The following SMC4 variants were observed in gnomAD, a reference collection of about 807,000 sequenced individuals.
SMC4 encodes structural maintenance of chromosomes protein 4.
Under a neutral mutation model 145.6 loss-of-function variants are expected in SMC4, and 87 were observed. The ratio of observed to expected loss-of-function variants is 0.60; its 90% confidence interval spans 0.50 to 0.71. SMC4 has a LOEUF of 0.71. Among genes scored for constraint, SMC4 ranks in the 30% least tolerant of loss-of-function variants. The pLI is 0.00. For synonymous variants in SMC4, 558 were observed against 500.7 expected (o/e 1.11, Z -1.53); for missense variants, 1,447 against 1,537.1 (o/e 0.94, Z 0.98).
At position 160,404,408 on chromosome 3, in the gene SMC4, T is replaced by G. The variant is rs571097121; in HGVS notation, c.591T>G (p.Tyr197Ter). The change falls in exon 5 of 24, where the codon TAT becomes TAG. Residue 197 changes from tyrosine (Y) to a stop codon, truncating the protein, a stop_gained. Transcript: ENST00000357388. LOFTEE classifies it high-confidence loss of function. ...RTACRDNTSV[Y>*]HISGKKKTFK... ...CCTGCAGAGATAATACTTCTGTCTATCACATAAGTGGAAAGAAAAAGACAT... is the reference window on the plus strand; with the variant it reads ...CCTGCAGAGATAATACTTCTGTCTAGCACATAAGTGGAAAGAAAAAGACAT... 18 of 1,611,458 alleles carry G rather than the reference T, an allele frequency of 1.1e-5. No homozygotes were observed. Among genetic ancestry groups the G allele is most frequent in the Non-Finnish European group, 1.5e-5 (18 of 1,178,772 alleles).
rs1717088656 is a variant in SMC4, at chr3:160,420,829, T to C, written c.1947T>C (p.Asp649=). The change falls in exon 13 of 24, where the codon GAT becomes GAC. Residue 649 remains aspartate (D), a synonymous_variant. Transcript: ENST00000357388. Reference sequence around the variant, plus strand: ...ACTACATTGTTGTTGATTCTATTGATATAGCCCAAGAATGTGTAAACTTCC... The same window carrying C: ...ACTACATTGTTGTTGATTCTATTGACATAGCCCAAGAATGTGTAAACTTCC... ...ALDYIVVDSI[D]IAQECVNFLK... 1 of 1,613,992 alleles carries C rather than the reference T, an allele frequency of 6.2e-7. No individual in the cohort carries two copies. The highest frequency in any genetic ancestry group is 1.3e-5 in the African/African-American group (1 of 74,928).
chr3:160,405,404 G>C (rs564420488), intron 5 of SMC4, among the ~76,000 whole-genome samples: 4 of 151,748 alleles, frequency 2.6e-5, no homozygotes, highest in Admixed American at 6.6e-5. Flanking sequence ...GTTCTATCCA[G>C]AATCACCGAA....
In SMC4 at chr3:160,420,785, T is replaced by C; in HGVS notation, c.1903T>C (p.Ser635Pro). Reference protein sequence around the residue: ...IDEKYDVAISSCCHALDYIVV... With the variant: ...IDEKYDVAISPCCHALDYIVV... ...TGAAAAATACGACGTGGCTATATCA[T>C]CCTGTTGTCATGCACTGGACTACAT... The change falls in exon 13 of 24, where the codon TCC becomes CCC. Residue 635 changes from serine to proline, a missense_variant. Ser to Pro is a moderately conservative substitution (Grantham distance 74). Coordinates refer to ENST00000357388, the MANE Select transcript of SMC4 (RefSeq NM_001002800.3). The C allele has an allele frequency of 6.2e-7, 1 of 1,614,064 alleles. No homozygotes were observed. The highest frequency in any genetic ancestry group is 8.5e-7 in the Non-Finnish European group (1 of 1,179,986).
intron 20 of SMC4, among the ~76,000 whole-genome samples, chr3:160,431,423 C>T (rs550856564): frequency 6.6e-6 from 1 of 152,214 alleles, no homozygotes; most frequent in African/African-American, 2.4e-5. Flanking sequence ...TAGACAACTA[C>T]CCTTTCACCC....
intron 9 of SMC4, 30 bp from the exon 10 acceptor site, chr3:160,416,221 A>G (rs754074895): frequency 2.7e-6 from 4 of 1,495,216 alleles, no homozygotes; most frequent in African/African-American, 2.8e-5. Context: ...ATAAAGATGT[A>G]TGCTCCTATA....
At chr3:160,429,776 G>C (rs905797387) in intron 18 of SMC4, among the ~76,000 whole-genome samples, 2 of 150,680 alleles carry the variant, frequency 1.3e-5, no homozygotes, top group African/African-American at 4.9e-5. Context: ...GAGTACAGTG[G>C]CGCGATCTCG....
intron 7 of SMC4, among the ~76,000 whole-genome samples, chr3:160,413,139 T>G (rs547207098): frequency 1.3e-5 from 2 of 152,138 alleles, no homozygotes; most frequent in East Asian, 3.9e-4. Context: ...TTTTTTTGTT[T>G]TTATTTTTTC....
At chr3:160,425,109 A>C in intron 16 of SMC4, 90 bp downstream of exon 16, 1 of 1,445,538 alleles carries the variant, frequency 6.9e-7, no homozygotes, top group Non-Finnish European at 9.1e-7. Context: ...CTATTTGCTT[A>C]CAATTTATTA....
rs1718820610 is a variant in SMC4, at chr3:160,434,869, T to A, written c.*1060T>A. On this transcript the variant is annotated 3_prime_UTR_variant, in exon 24 of 24. Coordinates refer to ENST00000357388, the MANE Select transcript of SMC4 (RefSeq NM_001002800.3). ...GCCATTGTTTTAGATATTTAAAAAA[T>A]CCAACAGTTTCTATCATAATGTAAC... The A allele has an allele frequency of 6.6e-6, 1 of 152,178 alleles. No homozygotes were observed. Among genetic ancestry groups the A allele is most frequent in the Non-Finnish European group, 1.5e-5 (1 of 68,024 alleles). 9.4% of individuals were successfully genotyped at this position (152,178 alleles called of 1,614,324 possible). A position where few individuals can be genotyped will look rare whatever the true frequency, so the allele number is the denominator to read the frequency against.
At position 160,404,482 on chromosome 3, in the gene SMC4, A is replaced by G. The variant is rs199673844; in HGVS notation, c.665A>G (p.His222Arg). 298 of 1,603,630 alleles carry G rather than the reference A, an allele frequency of 1.9e-4. No individual in the cohort carries two copies. The highest frequency in any genetic ancestry group is 1.0e-3 in the Middle Eastern group (6 of 6,026). The change falls in exon 5 of 24, where the codon CAT becomes CGT. Residue 222 changes from histidine (H) to arginine (R), a missense_variant. Coordinates refer to ENST00000357388, the MANE Select transcript of SMC4 (RefSeq NM_001002800.3). ...LLRSHGIDLDHNRFLILQGEV... is the reference protein window; with the variant it reads ...LLRSHGIDLDRNRFLILQGEV... ...CGAAGCCATGGAATTGACTTGGACC[A>G]TAATAGATTTTTAATTTTACAGGTA... is the stretch of plus-strand genomic sequence containing the variant.
intron 22 of SMC4, 48 bp from the exon 23 acceptor site, chr3:160,432,978 A>T: frequency 7.4e-7 from 1 of 1,350,318 alleles, no homozygotes; most frequent in South Asian, 1.2e-5. Context: ...CAAAGTCTTA[A>T]CTTTAGCTTT....
chr3:160,427,483 A>G (rs1717914081), intron 17 of SMC4, among the ~76,000 whole-genome samples: 2 of 152,190 alleles, frequency 1.3e-5, no homozygotes, highest in Non-Finnish European at 2.9e-5. Context: ...ATGGTACCTG[A>G]TGGTCAATTG....
chr3:160,409,674 A>G (rs1314018892), intron 5 of SMC4, among the ~76,000 whole-genome samples: 1 of 152,166 alleles, frequency 6.6e-6, no homozygotes, highest in Admixed American at 6.5e-5. Context: ...TCATTTTCTT[A>G]AAATAAGTGT....
Position 160,419,372 on chromosome 3 carries a change from T to G in SMC4, c.1686T>G (p.Leu562=). The G allele has an allele frequency of 6.3e-7, 1 of 1,587,860 alleles. No individual in the cohort carries two copies. The highest frequency in any genetic ancestry group is 8.5e-7 in the Non-Finnish European group (1 of 1,172,836). Residue 562 remains leucine (L), a synonymous_variant, in exon 12 of 24, where the codon CTT becomes CTG. Transcript: ENST00000357388. ...EQELKEKEKE[L]QKLTQEETNF... is the part of the protein sequence containing the mutation. ...TTCACTTTTAGAAAGAAAAAGAACTTCAAAAACTTACACAAGAAGAAACAA... is the reference window on the plus strand; with the variant it reads ...TTCACTTTTAGAAAGAAAAAGAACTGCAAAAACTTACACAAGAAGAAACAA...
chr3:160,401,424 C>T (rs78846197), intron 2 of SMC4, among the ~76,000 whole-genome samples: 7 of 152,218 alleles, frequency 4.6e-5, no homozygotes, highest in Middle Eastern at 3.4e-3. Context: ...TTTGAAGCCA[C>T]TGTAGCTTTT....
At chr3:160,401,404 C>T (rs71312299) in intron 2 of SMC4, among the ~76,000 whole-genome samples, 1,670 of 152,088 alleles carry the variant, frequency 0.011, 12 homozygotes, top group Non-Finnish European at 0.018. Context: ...AAAGAGAAGA[C>T]GATAATTTAT....
At chr3:160,413,847 C>T (rs1227833481) in intron 8 of SMC4, 6 of 339,654 alleles carry the variant, frequency 1.8e-5, no homozygotes, top group Admixed American at 4.8e-5. Flanking sequence ...TGGCGTAGCA[C>T]AGTAACAAAC....
In SMC4 at chr3:160,431,790, C is replaced by T. The variant is rs1174461036; in HGVS notation, c.3262C>T (p.Pro1088Ser). ...LLEARCHEMK[P>S]NLGAIAEYKK... ...GGAAGCCCGGTGTCATGAAATGAAA[C>T]CAAACCTCGGTGCCATCGCAGAGTA... The change falls in exon 21 of 24, where the codon CCA becomes TCA. Residue 1088 changes from proline to serine, a missense_variant. Pro to Ser is a moderately conservative substitution (Grantham distance 74). Coordinates refer to ENST00000357388, the MANE Select transcript of SMC4 (RefSeq NM_001002800.3). 1.9e-6 allele frequency: 3 copies of T among 1,613,736 alleles called. No individual in the cohort carries two copies. The South Asian group carries it at 3.3e-5, about 18-fold the overall frequency.
rs1718048519 is a variant in SMC4 at position 160,428,613 on chromosome 3, T to C, written c.2606-140T>C. Reference sequence around the variant, plus strand: ...TTTGATACAGGATATCGTTTTTTTTTTTAAGGTGCTTTTTCCCATATGCCT... The same window carrying C: ...TTTGATACAGGATATCGTTTTTTTTCTTAAGGTGCTTTTTCCCATATGCCT... On this transcript the variant is annotated intron_variant, in intron 17 of 23. Coordinates refer to ENST00000357388, the MANE Select transcript of SMC4 (RefSeq NM_001002800.3). The C allele has an allele frequency of 1.3e-5, 9 of 676,168 alleles. No individual in the cohort carries two copies. The South Asian group carries it at 1.9e-4, about 15-fold the overall frequency. The allele number at this position is 676,168 out of a possible 1,614,324, so 41.9% of individuals were successfully genotyped here.
Sources: allele counts gnomAD v4.1 joint callset (sites outside exome capture counted in the v4.1 genomes callset), GRCh38; gene constraint gnomAD v4.1.1; transcripts MANE v1.5; gene names NCBI Gene and HGNC (gene_info 2026-07-23, HGNC 2026-07-21).